The following XG variants were observed in gnomAD, a reference collection of about 807,000 sequenced individuals.
The protein encoded by XG is glycoprotein Xg.
XG carries 24 observed loss-of-function variants against 25.7 expected under a neutral mutation model. That is an observed-to-expected ratio of 0.93 (90% CI 0.68 to 1.31). XG has a LOEUF of 1.31. Ranked by LOEUF, XG falls within the 40% of genes most tolerant of loss-of-function variation. The pLI is 0.00. For missense variants in XG, 181 were observed against 187.6 expected (o/e 0.96, Z 0.21); for synonymous variants, 77 against 69.2 (o/e 1.11, Z -0.56).
At chrX:2,764,886 C>G (rs908833308) in intron 1 of XG, among the ~76,000 whole-genome samples, 2 of 145,932 alleles carry the variant, frequency 1.4e-5, no homozygotes, top group Admixed American at 1.4e-4. Context: ...ACTAAAAACA[C>G]AAAAATTACC....
At chrX:2,781,961 C>G (rs373899156) in intron 3 of XG, 105 bp from the exon 4 acceptor site, 2 of 843,487 alleles carry the variant, frequency 2.4e-6, no homozygotes, top group Admixed American at 2.4e-5. Context: ...CAAATCAGAA[C>G]AAACTGCAAG....
intron 10 of XG, among the ~76,000 whole-genome samples, chrX:2,813,873 G>T (rs2087079979): frequency 8.9e-6 from 1 of 112,396 alleles, no homozygotes; most frequent in Admixed American, 9.4e-5. Flanking sequence ...TTAACAAATG[G>T]CAAAATGTCA....
intron 9 of XG, among the ~76,000 whole-genome samples, chrX:2,809,737 G>T (rs1370152151): frequency 8.9e-6 from 1 of 111,915 alleles, no homozygotes; most frequent in Non-Finnish European, 1.9e-5. Context: ...TGTGGCCAGC[G>T]CTTTGACCAT....
intron 1 of XG, among the ~76,000 whole-genome samples, chrX:2,770,038 G>C (rs879229418): frequency 2.0e-5 from 3 of 146,834 alleles, no homozygotes; most frequent in Admixed American, 1.4e-4. Context: ...GGGGGCGTTG[G>C]GGGGCGGGGA....
At chrX:2,760,167 G>A (rs1410443212) in intron 1 of XG, among the ~76,000 whole-genome samples, 4 of 151,752 alleles carry the variant, frequency 2.6e-5, no homozygotes, top group Admixed American at 1.3e-4. Context: ...GCAACAGAGC[G>A]AGACTCTGTC....
chrX:2,813,504 T>G (rs1367430772), intron 10 of XG, among the ~76,000 whole-genome samples: 1 of 112,299 alleles, frequency 8.9e-6, no homozygotes, highest in Admixed American at 9.5e-5. Flanking sequence ...GTTAGGTCAT[T>G]AATTTTCTCT....
chrX:2,755,791 C>G (rs972239071), intron 1 of XG, among the ~76,000 whole-genome samples: 7 of 152,022 alleles, frequency 4.6e-5, no homozygotes, highest in African/African-American at 1.7e-4. Flanking sequence ...CACAGACGAC[C>G]CTGTTTCATC....
intron 7 of XG, among the ~76,000 whole-genome samples, chrX:2,804,033 G>C (rs767755767): frequency 9.0e-6 from 1 of 111,108 alleles, no homozygotes; most frequent in Non-Finnish European, 1.9e-5. Flanking sequence ...ACCAGAGACG[G>C]GGTTTCACCA....
intron 1 of XG, among the ~76,000 whole-genome samples, chrX:2,754,028 G>A (rs1306051926): frequency 6.6e-6 from 1 of 152,144 alleles, no homozygotes; most frequent in South Asian, 2.1e-4. Flanking sequence ...GGCAGGTAAG[G>A]CTAAGCTATG....
chrX:2,798,274 C>T (rs1023504243), intron 7 of XG, among the ~76,000 whole-genome samples: 1 of 110,867 alleles, frequency 9.0e-6, no homozygotes, highest in Non-Finnish European at 1.9e-5. Flanking sequence ...TAACAAAACA[C>T]TCTGTAGGTT....
In XG at chrX:2,791,290, T is replaced by A. The variant is rs138814405; in HGVS notation, c.253+1584T>A. On this transcript the variant is annotated intron_variant, in intron 5 of 10. Coordinates refer to ENST00000644266, the MANE Select transcript of XG (RefSeq NM_001141919.2). ...ATTGAGGAAGCTAAGATACACTGGGTGTCTTCCTCTCTCCACCTGCTTTAA... is the reference window on the plus strand; with the variant it reads ...ATTGAGGAAGCTAAGATACACTGGGAGTCTTCCTCTCTCCACCTGCTTTAA... Among the ~76,000 whole-genome samples, 635 of 111,310 alleles carry A rather than the reference T, an allele frequency of 5.7e-3. 7 individuals carry two copies. The highest frequency in any genetic ancestry group is 0.018 in the African/African-American group (566 of 30,678).
chrX:2,771,994 G>A (rs753472811), intron 2 of XG, among the ~76,000 whole-genome samples: 1 of 152,168 alleles, frequency 6.6e-6, no homozygotes, highest in Non-Finnish European at 1.5e-5. Flanking sequence ...TTAGAGGCAG[G>A]TGTGTGGTTG....
At chrX:2,755,935 G>T (rs1316051817) in intron 1 of XG, among the ~76,000 whole-genome samples, 1 of 152,090 alleles carries the variant, frequency 6.6e-6, no homozygotes, top group Non-Finnish European at 1.5e-5. Flanking sequence ...ATGCATGTGG[G>T]GCTTAATGCC....
chrX:2,810,777 A>G (rs5982863), intron 9 of XG, among the ~76,000 whole-genome samples: 1,580 of 110,621 alleles, frequency 0.014, 31 homozygotes, highest in African/African-American at 0.049. Context: ...TTAGTTGGGC[A>G]TGGTGGCATA....
intron 1 of XG, among the ~76,000 whole-genome samples, chrX:2,753,994 GAA>G (rs2050383456): frequency 6.6e-6 from 1 of 152,222 alleles, no homozygotes; most frequent in African/African-American, 2.4e-5. Context: ...GTTGGCTGAT[GAA>G]AAGTGTTCTG....
intron 1 of XG, among the ~76,000 whole-genome samples, chrX:2,758,471 G>A (rs999573647): frequency 6.6e-6 from 1 of 152,188 alleles, no homozygotes; most frequent in African/African-American, 2.4e-5. Flanking sequence ...GGTTACCTTT[G>A]CGTGGAGTCT....
At chrX:2,795,919 G>A (rs1464991624) in intron 6 of XG, among the ~76,000 whole-genome samples, 3 of 110,762 alleles carry the variant, frequency 2.7e-5, no homozygotes, top group African/African-American at 9.8e-5. Context: ...GCCTCTCAAA[G>A]CGTTGGGATT....
chrX:2,752,909 C>T (rs1264296697), intron 1 of XG: 1 of 985,210 alleles, frequency 1.0e-6, no homozygotes, highest in East Asian at 1.1e-4. Flanking sequence ...CTGGCTGTCC[C>T]AGATCCAAGA....
intron 1 of XG, among the ~76,000 whole-genome samples, chrX:2,768,123 G>A (rs930732642): frequency 6.6e-6 from 1 of 152,126 alleles, no homozygotes. Context: ...AGAGAGGAGG[G>A]ACTGGGAGGG....
Sources: gnomAD v4.1 joint callset for allele counts (sites outside exome capture counted in the v4.1 genomes callset) on GRCh38, gnomAD v4.1.1 for gene constraint, MANE v1.5 for transcripts, NCBI Gene and HGNC (gene_info 2026-07-23, HGNC 2026-07-21) for gene names.